The following OASL variants were observed in gnomAD, a reference collection of about 807,000 sequenced individuals.
OASL encodes the protein 2'-5'-oligoadenylate synthase-like protein.
A neutral mutation model predicts 35.3 loss-of-function variants in OASL; 28 were observed. The observed-to-expected ratio is 0.79, with a 90% CI of 0.59 to 1.09. OASL has a LOEUF of 1.09. OASL is among the 50% of genes least tolerant of loss of function. The pLI, the probability that OASL is intolerant of heterozygous loss-of-function variation, is 0.00. For synonymous variants in OASL, 252 were observed against 254.6 expected (o/e 0.99, Z 0.10); for missense variants, 620 against 635.2 (o/e 0.98, Z 0.26).
chr12:121,023,222 A>T (rs1168316448), intron 5 of OASL, among the ~76,000 whole-genome samples: 1 of 150,032 alleles, frequency 6.7e-6, no homozygotes, highest in Non-Finnish European at 1.5e-5. Flanking sequence ...AGTTTGTTTC[A>T]TGGATTTGCT....
At chr12:121,021,931 A>C (rs544759708) in intron 5 of OASL, among the ~76,000 whole-genome samples, 238 of 152,248 alleles carry the variant, frequency 1.6e-3, no homozygotes, top group African/African-American at 5.4e-3. Flanking sequence ...GTTTTTTGAG[A>C]CAGGGCCTTG....
chr12:121,025,035 G>A (rs1271392069), intron 4 of OASL, among the ~76,000 whole-genome samples: 1 of 133,018 alleles, frequency 7.5e-6, no homozygotes, highest in Non-Finnish European at 1.5e-5. Context: ...CTGAAGGGCA[G>A]TGGTGCAATC....
intron 3 of OASL, among the ~76,000 whole-genome samples, chr12:121,030,900 C>T (rs984329288): frequency 6.6e-6 from 1 of 151,970 alleles, no homozygotes; most frequent in Non-Finnish European, 1.5e-5. Flanking sequence ...CTTTGGGAGG[C>T]CAAGGTGGGA....
chr12:121,027,127 TC>T (rs1869519621), intron 4 of OASL, among the ~76,000 whole-genome samples: 1 of 152,214 alleles, frequency 6.6e-6, no homozygotes. Context: ...ATATTGTGGA[TC>T]CTTAACACAG....
At chr12:121,038,782 C>G (rs750777024) in exon 1 of OASL, 6 of 1,614,070 alleles carry the variant, frequency 3.7e-6, no homozygotes, top group Non-Finnish European at 5.1e-6. Context: ...ACCTTGACTA[C>G]CTTCAGCACC....
rs774203528 is a variant in OASL at position 121,031,587 on chromosome 12, G to A, written c.512C>T (p.Pro171Leu). The A allele has an allele frequency of 1.2e-6, 2 of 1,613,514 alleles. No individual in the cohort carries two copies. The highest frequency in any genetic ancestry group is 1.7e-6 in the Non-Finnish European group (2 of 1,179,698). The stretch of plus-strand genomic sequence containing the variant: ...CTTGATCAGGCTCACATAGACCTCA[G>A]GGGGTGGCTGGGAGTTGGGAAGAGA... Residue 171 changes from proline to leucine, a missense_variant, in exon 3 of 6, where the codon CCT becomes CTT. Transcript: ENST00000257570.
At chr12:121,023,848 C>T (rs1278370444) in intron 5 of OASL, 142 bp downstream of exon 5, 5 of 925,784 alleles carry the variant, frequency 5.4e-6, no homozygotes, top group Non-Finnish European at 8.0e-6. Context: ...GTTCACGGAG[C>T]CCATGGGTGG....
At chr12:121,038,399 A>G (rs1870038746) in intron 1 of OASL, among the ~76,000 whole-genome samples, 1 of 152,146 alleles carries the variant, frequency 6.6e-6, no homozygotes, top group Non-Finnish European at 1.5e-5. Context: ...GTTGTCCCCA[A>G]ACTATATTTT....
At chr12:121,036,010 G>T (rs1330708241) in intron 1 of OASL, among the ~76,000 whole-genome samples, 1 of 152,018 alleles carries the variant, frequency 6.6e-6, no homozygotes. Context: ...GGCATGCACC[G>T]CCATGCCCAG....
In OASL at chr12:121,027,679, G is replaced by T. The variant is rs1243098241; in HGVS notation, c.796C>A (p.Leu266Met). The T allele has an allele frequency of 1.9e-6, 3 of 1,614,206 alleles. No individual in the cohort carries two copies. In the Admixed American group the frequency reaches 5.0e-5, roughly 27 times the overall value. The change falls in exon 4 of 6, where the codon CTG (leucine) becomes ATG (methionine). Residue 266 changes from leucine (L) to methionine (M), a missense_variant. Leu to Met is a conservative substitution (Grantham distance 15). Transcript: ENST00000257570. ...CAGATGACTTCATACTCCAGGAGCAGGTCCATCACAGTGGTGAAGCCTTCG... is the reference window on the plus strand; with the variant it reads ...CAGATGACTTCATACTCCAGGAGCATGTCCATCACAGTGGTGAAGCCTTCG...
exon 4 of OASL, chr12:121,027,743 C>A: frequency 6.2e-7 from 1 of 1,614,150 alleles, no homozygotes; most frequent in East Asian, 2.2e-5. Flanking sequence ...TACCCATTTC[C>A]CAGGCATAGA....
At chr12:121,031,248 T>C (rs1869716363) in intron 3 of OASL, among the ~76,000 whole-genome samples, 194 bp downstream of exon 3, 1 of 152,182 alleles carries the variant, frequency 6.6e-6, no homozygotes, top group Non-Finnish European at 1.5e-5. Flanking sequence ...CTTTCTCCTC[T>C]TCCTCCTCCT....
At chr12:121,035,424 C>T (rs1271137001) in intron 1 of OASL, among the ~76,000 whole-genome samples, 1 of 152,010 alleles carries the variant, frequency 6.6e-6, no homozygotes, top group East Asian at 1.9e-4. Context: ...ACTGGGGAAG[C>T]TAAGGCAGGA....
chr12:121,038,451 C>A (rs1010087247), intron 1 of OASL, among the ~76,000 whole-genome samples: 3 of 152,200 alleles, frequency 2.0e-5, no homozygotes, highest in African/African-American at 7.2e-5. Context: ...AAGGACCTCG[C>A]ATTGTATTGG....
chr12:121,031,335 G>T (rs1869719798), intron 3 of OASL, 107 bp downstream of exon 3: 2 of 1,079,458 alleles, frequency 1.9e-6, no homozygotes, highest in Non-Finnish European at 2.7e-6. Flanking sequence ...CTCTCTACCT[G>T]CTTCCATTTC....
chr12:121,018,070 C>T (rs1169279), downstream of OASL, among the ~76,000 whole-genome samples: 53,532 of 152,024 alleles, frequency 0.35, 10,005 homozygotes, highest in East Asian at 0.73. Flanking sequence ...ACATAAGTGA[C>T]TCCATTTTGA....
exon 6 of OASL, chr12:121,020,192 G>A (rs2259693): frequency 0.45 from 85,115 of 189,430 alleles, 20,434 homozygotes; most frequent in East Asian, 0.74. Context: ...GGAGTGTAGC[G>A]GTGTGATCAC....
intron 5 of OASL, chr12:121,023,741 C>A: frequency 2.4e-6 from 1 of 422,110 alleles, no homozygotes. Context: ...GAACACAGAA[C>A]TGATTCTCCA....
At chr12:121,023,726 A>C in intron 5 of OASL, 2 of 373,312 alleles carry the variant, frequency 5.4e-6, no homozygotes, top group Non-Finnish European at 1.0e-5. Context: ...GCAAAGAATG[A>C]TCAGGAACAC....
Sources: gnomAD v4.1 joint callset for allele counts (sites outside exome capture counted in the v4.1 genomes callset) on GRCh38, gnomAD v4.1.1 for gene constraint, MANE v1.5 for transcripts, NCBI Gene and HGNC (gene_info 2026-07-23, HGNC 2026-07-21) for gene names.